STOX2: variants seen among roughly 807,000 people sequenced by gnomAD.
STOX2 encodes storkhead box 2.
A neutral mutation model predicts 60.9 loss-of-function variants in STOX2; 28 were observed. That is an observed-to-expected ratio of 0.46 (90% CI 0.34 to 0.63). The LOEUF is 0.63. STOX2 is among the 30% of genes least tolerant of loss of function. The probability of loss-of-function intolerance (pLI) is 0.01; values close to 1 mark genes in which losing one functional copy is unlikely to be tolerated. For synonymous variants in STOX2, 472 were observed against 463.9 expected (o/e 1.02, Z -0.22); for missense variants, 1,024 against 1,187.7 (o/e 0.86, Z 2.03).
At chr4:183,819,996 T>C (rs1033636930) in intron 1 of STOX2, among the ~76,000 whole-genome samples, 3 of 152,256 alleles carry the variant, frequency 2.0e-5, no homozygotes, top group Non-Finnish European at 2.9e-5. Context: ...AGAGTTAAAC[T>C]AAAATCCCAA....
chr4:183,989,675 A>G (rs759616669), intron 1 of STOX2, among the ~76,000 whole-genome samples: 2 of 152,218 alleles, frequency 1.3e-5, no homozygotes, highest in Non-Finnish European at 2.9e-5. Context: ...GGAAGTAAGC[A>G]TATTTCATCA....
intron 1 of STOX2, among the ~76,000 whole-genome samples, chr4:183,897,238 C>T (rs1741358343): frequency 6.6e-6 from 1 of 152,194 alleles, no homozygotes; most frequent in Admixed American, 6.5e-5. Flanking sequence ...TCCGAAGCTT[C>T]TTGGTTTTCA....
intron 1 of STOX2, among the ~76,000 whole-genome samples, chr4:183,970,578 C>T (rs1449660105): frequency 6.6e-6 from 1 of 152,168 alleles, no homozygotes; most frequent in Non-Finnish European, 1.5e-5. Context: ...GGAGGAAGGG[C>T]AGCCACCACA....
intron 1 of STOX2, among the ~76,000 whole-genome samples, chr4:183,863,762 T>C (rs1034959676): frequency 6.6e-6 from 1 of 152,240 alleles, no homozygotes; most frequent in African/African-American, 2.4e-5. Context: ...ATTTCTAGAT[T>C]GCTTGTAACC....
chr4:183,968,100 A>G (rs1308616775), intron 1 of STOX2, among the ~76,000 whole-genome samples: 1 of 152,166 alleles, frequency 6.6e-6, no homozygotes. Flanking sequence ...TGGCCTCAGG[A>G]TGTGTGTTAG....
intron 1 of STOX2, among the ~76,000 whole-genome samples, chr4:183,908,531 C>G (rs897059906): frequency 1.3e-4 from 20 of 150,316 alleles, no homozygotes; most frequent in South Asian, 2.1e-4. Flanking sequence ...TGGTGGCCAT[C>G]ATTTCATCGA....
At chr4:183,989,751 C>T (rs557563147) in intron 1 of STOX2, among the ~76,000 whole-genome samples, 5 of 152,186 alleles carry the variant, frequency 3.3e-5, no homozygotes, top group East Asian at 3.9e-4. Context: ...GCTTTTCACA[C>T]GAAAGCTTTT....
Position 184,011,193 on chromosome 4 carries a change from G to C in STOX2, c.2355G>C (p.Gly785=), listed in dbSNP as rs1343788609. 1.3e-6 allele frequency: 2 copies of C among 1,598,958 alleles called. No homozygotes were observed. Among genetic ancestry groups the C allele is most frequent in the African/African-American group, 2.7e-5 (2 of 74,040 alleles). ...CTGATGATGACGACTCTGAGGAAGG[G>C]GCAAACAAGAACACAGAGGAGGAGA... ...NVSDDDDSEE[G]ANKNTEEEKN... The change falls in exon 3 of 4, where the codon GGG becomes GGC. Residue 785 remains glycine (G), a synonymous_variant. Transcript: ENST00000308497. The surrounding 1 kb of genome is among the most constrained non-coding windows in gnomAD (Gnocchi z 4.4).
At chr4:183,964,086 G>T (rs1404065332) in intron 1 of STOX2, among the ~76,000 whole-genome samples, 1 of 152,102 alleles carries the variant, frequency 6.6e-6, no homozygotes, top group Non-Finnish European at 1.5e-5. Context: ...TCTTTACAAA[G>T]CTGAATGTTG....
chr4:183,849,854 A>AT (rs1233311224), intron 1 of STOX2, among the ~76,000 whole-genome samples: 1 of 151,934 alleles, frequency 6.6e-6, no homozygotes, highest in East Asian at 1.9e-4. Flanking sequence ...TTGCCCCATG[A>AT]TTTTTTTCCC....
chr4:183,825,406 C>T lies in STOX2; in HGVS notation c.364+27351C>T, dbSNP rs529791971. 8.7e-4 allele frequency among the ~76,000 whole-genome samples: 127 copies of T among 145,240 alleles called. No homozygotes were observed. Among genetic ancestry groups the T allele is most frequent in the Admixed American group, 4.7e-3 (70 of 15,014 alleles). On this transcript the variant is annotated intron_variant, in intron 1 of 2. Transcript: ENST00000513034. This position sits in a 1 kb window ranked among gnomAD's most constrained non-coding sequence, Gnocchi z 4.1. ...CAGCTGGGCCATCCCTCGTGTGGCG[C>T]GTGCTGCAGATGGCAGCGGTCAGCT...
chr4:183,804,806 T>C (rs964183363), intron 1 of STOX2, among the ~76,000 whole-genome samples: 1 of 138,438 alleles, frequency 7.2e-6, no homozygotes, highest in Non-Finnish European at 1.6e-5. Context: ...GCATTTAGAA[T>C]GAACTTCTGA....
At chr4:183,940,508 C>T (rs1036783371) in intron 1 of STOX2, among the ~76,000 whole-genome samples, 1 of 152,176 alleles carries the variant, frequency 6.6e-6, no homozygotes, top group African/African-American at 2.4e-5. Context: ...ACCCCTCTTC[C>T]TGCTCCACAC....
At chr4:183,929,014 C>A (rs1005819940) in intron 1 of STOX2, among the ~76,000 whole-genome samples, 1 of 152,200 alleles carries the variant, frequency 6.6e-6, no homozygotes, top group Non-Finnish European at 1.5e-5. Context: ...AAGCGTAACT[C>A]CTGTAACCGT....
chr4:184,011,303 T>C lies in STOX2; in HGVS notation c.2465T>C (p.Leu822Pro), dbSNP rs772022553. The change falls in exon 3 of 4, where the codon CTC becomes CCC. Residue 822 changes from leucine (L) to proline (P), a missense_variant. By Grantham distance (98) the Leu-to-Pro change is moderately conservative (BLOSUM62 -3). Around this residue, in one of 3 missense-constraint regions of STOX2, gnomAD observed 922 missense variants for 1,058.3 expected, o/e 0.87. Transcript: ENST00000308497. This position sits in a 1 kb window ranked among gnomAD's most constrained non-coding sequence, Gnocchi z 4.4. ...RDLQRKFEKN[L>P]TLLAPKETDS... ...TTGCAGAGGAAATTTGAAAAGAACC[T>C]CACCCTTCTTGCTCCAAAAGAAACC... The C allele has an allele frequency of 3.1e-6, 5 of 1,613,808 alleles. No homozygotes were observed. Among genetic ancestry groups the C allele is most frequent in the Non-Finnish European group, 4.2e-6 (5 of 1,179,878 alleles).
At chr4:183,887,077 G>A (rs1741100519) in intron 1 of STOX2, among the ~76,000 whole-genome samples, 1 of 152,058 alleles carries the variant, frequency 6.6e-6, no homozygotes, top group Admixed American at 6.6e-5. Context: ...TGGCCAAAAT[G>A]GTGAAACCCT....
intron 1 of STOX2, among the ~76,000 whole-genome samples, chr4:183,858,132 G>T (rs1740345741): frequency 1.3e-5 from 2 of 152,126 alleles, no homozygotes; most frequent in Non-Finnish European, 2.9e-5. Flanking sequence ...CCCTCAGGGG[G>T]CACCATGCCT....
At chr4:184,007,038 C>CAA (rs1010667959) in intron 2 of STOX2, among the ~76,000 whole-genome samples, 1 of 62,628 alleles carries the variant, frequency 1.6e-5, no homozygotes, top group African/African-American at 4.4e-5. Context: ...AAAAACAAAA[C>CAA]AAAAAAAAAA....
At chr4:183,820,032 T>G (rs1330981280) in intron 1 of STOX2, among the ~76,000 whole-genome samples, 1 of 152,222 alleles carries the variant, frequency 6.6e-6, no homozygotes, top group African/African-American at 2.4e-5. Context: ...AGTTCTTCTT[T>G]TACTCTCTTT....
Sources: gnomAD v4.1 joint callset for allele counts (sites outside exome capture counted in the v4.1 genomes callset) on GRCh38, gnomAD v4.1.1 for gene constraint, gnomAD v4.1.1 regional missense constraint, Gnocchi (gnomAD v3.1) non-coding constraint, MANE v1.5 for transcripts, NCBI Gene and HGNC (gene_info 2026-07-23, HGNC 2026-07-21) for gene names.